The following GPC6 variants were observed in gnomAD, a reference collection of about 807,000 sequenced individuals.
GPC6 encodes glypican 6, also known as glypican-6.
GPC6 carries 14 observed loss-of-function variants against 55.2 expected under a neutral mutation model. The ratio of observed to expected loss-of-function variants is 0.25; its 90% confidence interval spans 0.17 to 0.40. GPC6 has a LOEUF of 0.40. Among genes scored for constraint, GPC6 ranks in the 10% least tolerant of loss-of-function variants. GPC6 has a pLI of 1.00. For missense variants in GPC6, 641 were observed against 708.5 expected (o/e 0.90, Z 1.08); for synonymous variants, 278 against 259.6 (o/e 1.07, Z -0.68).
At position 94,107,581 on chromosome 13, in the gene GPC6, T is replaced by C. The variant is rs866231301; in HGVS notation, c.877+79687T>C. Among the ~76,000 whole-genome samples, 837 of 149,994 alleles carry C rather than the reference T, an allele frequency of 5.6e-3. 5 individuals carry two copies. Among genetic ancestry groups the C allele is most frequent in the African/African-American group, 0.018 (741 of 41,240 alleles). On this transcript the variant is annotated intron_variant, in intron 4 of 8. Coordinates refer to ENST00000377047, the MANE Select transcript of GPC6 (RefSeq NM_005708.5). ...TTTCTTTTTCTATTTCTTTCTCTTT[T>C]TTTTTTTTTTTTCCACCTGCAAGAT...
At chr13:93,687,661 G>A (rs115290094) in intron 2 of GPC6, among the ~76,000 whole-genome samples, 205 of 152,120 alleles carry the variant, frequency 1.3e-3, no homozygotes, top group African/African-American at 4.8e-3. Context: ...TAATATATAT[G>A]TAAAGTTCTT....
At chr13:93,940,140 T>A (rs1209069116) in intron 3 of GPC6, among the ~76,000 whole-genome samples, 1 of 152,220 alleles carries the variant, frequency 6.6e-6, no homozygotes, top group Non-Finnish European at 1.5e-5. Flanking sequence ...TGTACACTTT[T>A]CTTACATCCT....
At chr13:93,605,294 T>A (rs1376352422) in intron 2 of GPC6, among the ~76,000 whole-genome samples, 2 of 152,162 alleles carry the variant, frequency 1.3e-5, no homozygotes, top group African/African-American at 4.8e-5. Flanking sequence ...AGTAGATAAG[T>A]AAGTTACTGG....
At chr13:93,654,742 C>G (rs9645927) in intron 2 of GPC6, among the ~76,000 whole-genome samples, 1 of 152,070 alleles carries the variant, frequency 6.6e-6, no homozygotes, top group South Asian at 2.1e-4. Context: ...AGAACCCCAT[C>G]TATAAATAAA....
chr13:93,518,454 C>T (rs1881290213), intron 1 of GPC6, among the ~76,000 whole-genome samples: 2 of 151,988 alleles, frequency 1.3e-5, no homozygotes, highest in Non-Finnish European at 2.9e-5. Flanking sequence ...CCGTCTTTGA[C>T]ACCTCTCTCA....
chr13:93,751,407 A>G (rs1884584964), intron 2 of GPC6, among the ~76,000 whole-genome samples: 1 of 152,050 alleles, frequency 6.6e-6, no homozygotes, highest in Admixed American at 6.6e-5. Flanking sequence ...TGTGTCTGAT[A>G]ACTACTCCTT....
chr13:94,081,583 C>T (rs556817101), intron 4 of GPC6, among the ~76,000 whole-genome samples: 1 of 152,254 alleles, frequency 6.6e-6, no homozygotes, highest in Non-Finnish European at 1.5e-5. Context: ...ATTTAAGTGG[C>T]ACCTCATTGC....
At chr13:93,276,487 AGAGAGAGAGTGTGT>A (rs1460369594) in intron 1 of GPC6, among the ~76,000 whole-genome samples, 4 of 135,782 alleles carry the variant, frequency 2.9e-5, no homozygotes, top group Non-Finnish European at 4.6e-5. Flanking sequence ...AGAGAGAGAG[AGAGAGAGAGTGTGT>A]GTGTGTGTGT....
At chr13:94,328,343 C>T (rs1877231919) in intron 6 of GPC6, among the ~76,000 whole-genome samples, 1 of 152,202 alleles carries the variant, frequency 6.6e-6, no homozygotes, top group Admixed American at 6.5e-5. Context: ...GTGTTCAATG[C>T]ATGTTTCTTG....
chr13:94,165,261 CATATATATATACACATATAT>C (rs1357562685), intron 4 of GPC6, among the ~76,000 whole-genome samples: 1 of 143,622 alleles, frequency 7.0e-6, no homozygotes, highest in Non-Finnish European at 1.5e-5. Context: ...TATATGTATA[CATATATATATACACATATAT>C]ATATATATAT....
intron 6 of GPC6, among the ~76,000 whole-genome samples, chr13:94,313,178 C>T (rs917887995): frequency 1.3e-5 from 2 of 152,128 alleles, no homozygotes; most frequent in African/African-American, 4.8e-5. Context: ...CAGAGAGAGC[C>T]GCCTGTCACA....
intron 3 of GPC6, among the ~76,000 whole-genome samples, chr13:93,957,757 T>C (rs1232139382): frequency 2.0e-5 from 3 of 152,196 alleles, no homozygotes; most frequent in African/African-American, 7.2e-5. Context: ...AATTGGTATG[T>C]CAAATAGCAG....
chr13:93,950,431 T>C (rs970440342), intron 3 of GPC6, among the ~76,000 whole-genome samples: 1 of 152,188 alleles, frequency 6.6e-6, no homozygotes, highest in African/African-American at 2.4e-5. Context: ...TTTCCACCTA[T>C]TAGGCATCTA....
At chr13:93,238,739 T>C (rs1116259) in intron 1 of GPC6, among the ~76,000 whole-genome samples, 37,775 of 151,770 alleles carry the variant, frequency 0.25, 4,735 homozygotes, top group East Asian at 0.3. Context: ...CATATATGGC[T>C]TTTATTATTT....
At chr13:94,127,648 C>T (rs1245661907) in intron 4 of GPC6, among the ~76,000 whole-genome samples, 7 of 152,168 alleles carry the variant, frequency 4.6e-5, no homozygotes, top group African/African-American at 7.2e-5. Flanking sequence ...TCTGGACCAG[C>T]CCTGGTCATT....
chr13:93,426,048 T>C (rs1030034756), intron 1 of GPC6, among the ~76,000 whole-genome samples: 1 of 152,304 alleles, frequency 6.6e-6, no homozygotes, highest in East Asian at 1.9e-4. Context: ...AACTTCTTCC[T>C]CACTTAGAGC....
chr13:93,759,251 A>G (rs574611499), intron 2 of GPC6, among the ~76,000 whole-genome samples: 5 of 152,304 alleles, frequency 3.3e-5, no homozygotes, highest in African/African-American at 7.2e-5. Context: ...CATCCTGAGG[A>G]CAATATACTT....
chr13:94,345,943 A>G (rs1465981677), intron 6 of GPC6, among the ~76,000 whole-genome samples: 5 of 152,054 alleles, frequency 3.3e-5, no homozygotes, highest in African/African-American at 1.2e-4. Context: ...GGCCTTCTCT[A>G]AGCTTCTAGT....
intron 4 of GPC6, among the ~76,000 whole-genome samples, chr13:94,268,191 T>C (rs1178932870): frequency 6.6e-6 from 1 of 152,226 alleles, no homozygotes; most frequent in African/African-American, 2.4e-5. Flanking sequence ...CCATACTAAC[T>C]ACAGAATTCA....
Sources: allele counts gnomAD v4.1 joint callset (sites outside exome capture counted in the v4.1 genomes callset), GRCh38; gene constraint gnomAD v4.1.1; transcripts MANE v1.5; gene names NCBI Gene and HGNC (gene_info 2026-07-23, HGNC 2026-07-21).